RAVER1: variants seen among roughly 807,000 people sequenced by gnomAD.
RAVER1 encodes the protein ribonucleoprotein PTB-binding 1.
In RAVER1, 36 loss-of-function variants were observed where a neutral mutation model predicts 68.4. The ratio of observed to expected loss-of-function variants is 0.53; its 90% CI spans 0.40 to 0.70. RAVER1 has a LOEUF of 0.70. Ranked by LOEUF, RAVER1 falls within the 30% of genes least tolerant of loss-of-function variation. The pLI, the probability that RAVER1 is intolerant of heterozygous loss-of-function variation, is 0.00. For synonymous variants in RAVER1, 469 were observed against 472.7 expected, an observed-to-expected ratio of 0.99 and a Z score of 0.10; for missense variants, 933 against 1,019.8, an observed-to-expected ratio of 0.91 and a Z score of 1.16.
chr19:10,317,679 C>A lies in RAVER1; in HGVS notation c.2073+11G>T, dbSNP rs1328217337. The A allele has an allele frequency of 3.2e-6, 5 of 1,566,380 alleles. No homozygotes were observed. The highest frequency in any genetic ancestry group is 1.2e-5 in the South Asian group (1 of 86,380). ...TTCCCAGCCCTGCATGTCCCCACCC[C>A]CTGCCCGTACCTTCAGCAGGTGGCT... On this transcript the variant is annotated intron_variant, in intron 12 of 12. Transcript: ENST00000617231. This position sits in a 1 kb window ranked among gnomAD's most constrained non-coding sequence, Gnocchi z 4.3.
Position 10,329,172 on chromosome 19 carries a change from C to T in RAVER1, c.287-61G>A, listed in dbSNP as rs1314385477. Reference sequence around the variant, plus strand: ...GCCCTGAGGGCCTGCCCCTCCACCCCGCCACCCTGCAAACCAGGTGGGACC... The same window carrying T: ...GCCCTGAGGGCCTGCCCCTCCACCCTGCCACCCTGCAAACCAGGTGGGACC... On this transcript the variant is annotated intron_variant, in intron 2 of 12. Transcript: ENST00000617231. This position sits in a 1 kb window ranked among gnomAD's most constrained non-coding sequence, Gnocchi z 4.6. 34 of 1,056,744 alleles carry T rather than the reference C, an allele frequency of 3.2e-5. No individual in the cohort carries two copies. The highest frequency in any genetic ancestry group is 1.4e-4 in the South Asian group (8 of 59,090). The allele number at this position is 1,056,744 out of a possible 1,614,324, so 65.5% of individuals were successfully genotyped here. A position where few individuals can be genotyped will look rare whatever the true frequency, so the allele number is the denominator to read the frequency against.
chr19:10,323,398 C>G lies in RAVER1; in HGVS notation c.925G>C (p.Ala309Pro). Residue 309 changes from alanine to proline, a missense_variant, in exon 4 of 13, where the codon GCT becomes CCT. Ala to Pro is a conservative substitution (Grantham distance 27, BLOSUM62 -1). Transcript: ENST00000617231. This position sits in a 1 kb window ranked among gnomAD's most constrained non-coding sequence, Gnocchi z 6.2. ...PGPPGRSMLAALIAAQATALN... is the reference protein window; with the variant it reads ...PGPPGRSMLAPLIAAQATALN... The stretch of plus-strand genomic sequence containing the variant: ...ACCGTGGCCTGGGCAGCGATGAGAG[C>G]GGCCAGCATACTGCGGCCGGGGGGC... 1 of 1,604,926 alleles carries G rather than the reference C, an allele frequency of 6.2e-7. No homozygotes were observed. Among genetic ancestry groups the G allele is most frequent in the Non-Finnish European group, 8.5e-7 (1 of 1,176,210 alleles).
In RAVER1 at chr19:10,319,174, G is replaced by A; in HGVS notation, c.1837C>T (p.Arg613Ter). Residue 613 changes from arginine to a stop codon, truncating the protein, a stop_gained, in exon 10 of 13, where the codon CGA becomes TGA. Coordinates refer to ENST00000617231, the MANE Select transcript of RAVER1 (RefSeq NM_133452.3). LOFTEE classifies it high-confidence loss of function. ...EPALGPHGPS[R>*]HKMSPPPSGF... Reference sequence around the variant, plus strand: ...TACCAGGTGGCTCTTACCTTGTGTCGGCTGGGTCCGTGAGGCCCAAGGGCT... The same window carrying A: ...TACCAGGTGGCTCTTACCTTGTGTCAGCTGGGTCCGTGAGGCCCAAGGGCT... The A allele has an allele frequency of 1.2e-6, 2 of 1,613,816 alleles. No individual in the cohort carries two copies. The highest frequency in any genetic ancestry group is 1.3e-5 in the African/African-American group (1 of 75,056).
chr19:10,319,273 G>C (rs1441844831), intron 9 of RAVER1, 33 bp from the exon 10 acceptor site: 1 of 1,605,870 alleles, frequency 6.2e-7, no homozygotes, highest in Non-Finnish European at 8.5e-7. Context: ...CATTGGGTTG[G>C]AGTCTGTCCC....
At chr19:10,320,048 C>T (rs780487720) in intron 9 of RAVER1, among the ~76,000 whole-genome samples, 1 of 151,968 alleles carries the variant, frequency 6.6e-6, no homozygotes, top group African/African-American at 2.4e-5. Flanking sequence ...AAGGGCAAGC[C>T]CTGTCTCTGG....
In RAVER1 at chr19:10,321,107, G is replaced by A; in HGVS notation, c.1414C>T (p.Arg472Ter). The change falls in exon 8 of 13, where the codon CGA (arginine) becomes TGA (stop). Residue 472 changes from arginine (R) to a stop codon, truncating the protein, a stop_gained. Coordinates refer to ENST00000617231, the MANE Select transcript of RAVER1 (RefSeq NM_133452.3). LOFTEE classifies it high-confidence loss of function. Reference protein sequence around the residue: ...LTPPPAPVGLRGSGLRGLQKD... With the variant: ...LTPPPAPVGL ...TGGAGGCCTCTGAGGCCAGAGCCTCGGAGCCCCACAGGGGCGGGGGGAGGA... is the reference window on the plus strand; with the variant it reads ...TGGAGGCCTCTGAGGCCAGAGCCTCAGAGCCCCACAGGGGCGGGGGGAGGA... 5 of 1,321,902 alleles carry A rather than the reference G, an allele frequency of 3.8e-6. No individual in the cohort carries two copies. Among genetic ancestry groups the A allele is most frequent in the Non-Finnish European group, 4.8e-6 (5 of 1,036,898 alleles). The allele number at this position is 1,321,902 out of a possible 1,614,324, so 81.9% of individuals were successfully genotyped here.
Position 10,328,625 on chromosome 19 carries a change from C to A in RAVER1, c.756+17G>T. On this transcript the variant is annotated intron_variant, in intron 3 of 12. Transcript: ENST00000617231. This position sits in a 1 kb window ranked among gnomAD's most constrained non-coding sequence, Gnocchi z 4.4. ...CGGGCCTGGCACCTGCTCCCCAATGCTCTCCACAGGGCTCACCTGGCAGAA... is the reference window on the plus strand; with the variant it reads ...CGGGCCTGGCACCTGCTCCCCAATGATCTCCACAGGGCTCACCTGGCAGAA... 1 of 1,523,706 alleles carries A rather than the reference C, an allele frequency of 6.6e-7. No homozygotes were observed. The highest frequency in any genetic ancestry group is 1.2e-5 in the South Asian group (1 of 82,670). 94.4% of individuals were successfully genotyped at this position (1,523,706 alleles called of 1,614,324 possible).
intron 6 of RAVER1, 42 bp from the exon 7 acceptor site, chr19:10,321,660 G>GCCCAGGGGCAGGGTGT (rs2040439205): frequency 7.3e-7 from 1 of 1,361,172 alleles, no homozygotes; most frequent in African/African-American, 1.5e-5. Context: ...GGGCAGGGTG[G>GCCCAGGGGCAGGGTGT]CCCAGGGAAG....
Position 10,329,897 on chromosome 19 carries a change from C to CACTG in RAVER1, c.286+559_286+562dup, listed in dbSNP as rs2040501137. Among the ~76,000 whole-genome samples, 1 of 151,988 alleles carries CACTG rather than the reference C, an allele frequency of 6.6e-6. No individual in the cohort carries two copies. Among genetic ancestry groups the CACTG allele is most frequent in the African/African-American group, 2.4e-5 (1 of 41,388 alleles). On this transcript the variant is annotated intron_variant, in intron 2 of 12. Transcript: ENST00000617231. This position sits in a 1 kb window ranked among gnomAD's most constrained non-coding sequence, Gnocchi z 4.6. ...CAGCTGCTGTTTCTTGAGCATGGAACACTGAGCCCCACCTCCTCACCTGGT... is the reference window on the plus strand; with the variant it reads ...CAGCTGCTGTTTCTTGAGCATGGAACACTGACTGAGCCCCACCTCCTCACCTGGT...
At chr19:10,325,256 G>A (rs951610784) in intron 3 of RAVER1, among the ~76,000 whole-genome samples, 27 of 151,784 alleles carry the variant, frequency 1.8e-4, no homozygotes, top group Admixed American at 2.6e-4. Flanking sequence ...ACGGAGTCTC[G>A]CTCTGCCACC....
At position 10,328,918 on chromosome 19, in the gene RAVER1, G is replaced by A; in HGVS notation, c.480C>T (p.Arg160=). 6.2e-7 allele frequency: 1 copy of A among 1,611,878 alleles called. No individual in the cohort carries two copies. Among genetic ancestry groups the A allele is most frequent in the African/African-American group, 1.3e-5 (1 of 75,040 alleles). The part of the protein sequence containing the change: ...ELVRPFGSLE[R]CFLVYSERTG... Reference sequence around the variant, plus strand: ...TGCGCTCACTGTAGACCAGGAAGCAGCGCTCCAGGCTGCCGAAGGGCCGCA... The same window carrying A: ...TGCGCTCACTGTAGACCAGGAAGCAACGCTCCAGGCTGCCGAAGGGCCGCA... Residue 160 remains arginine, a synonymous_variant, in exon 3 of 13, where the codon CGC becomes CGT. Coordinates refer to ENST00000617231, the MANE Select transcript of RAVER1 (RefSeq NM_133452.3). This position sits in a 1 kb window ranked among gnomAD's most constrained non-coding sequence, Gnocchi z 4.4.
At chr19:10,319,293 C>T (rs1469365563) in intron 9 of RAVER1, 53 bp from the exon 10 acceptor site, 1 of 1,548,320 alleles carries the variant, frequency 6.5e-7, no homozygotes, top group East Asian at 2.3e-5. Flanking sequence ...CAGCCTCACC[C>T]CTGGCTGAAC....
chr19:10,328,596 G>T lies in RAVER1; in HGVS notation c.756+46C>A. On this transcript the variant is annotated intron_variant, in intron 3 of 12. Coordinates refer to ENST00000617231, the MANE Select transcript of RAVER1 (RefSeq NM_133452.3). The surrounding 1 kb of genome is among the most constrained non-coding windows in gnomAD (Gnocchi z 4.4). ...GATGACTCCAAAGACTCTCTCAGGT[G>T]CTCCGGGCCTGGCACCTGCTCCCCA... 1 of 1,307,984 alleles carries T rather than the reference G, an allele frequency of 7.6e-7. No homozygotes were observed. Among genetic ancestry groups the T allele is most frequent in the Non-Finnish European group, 1.1e-6 (1 of 943,896 alleles). 81.0% of individuals were successfully genotyped at this position (1,307,984 alleles called of 1,614,324 possible).
Position 10,333,213 on chromosome 19 carries a change from T to G in RAVER1, c.219+76A>C. On this transcript the variant is annotated intron_variant, in intron 1 of 12. Coordinates refer to ENST00000617231, the MANE Select transcript of RAVER1 (RefSeq NM_133452.3). This position sits in a 1 kb window ranked among gnomAD's most constrained non-coding sequence, Gnocchi z 4.2. ...CAACGACCCCCGCGCACCTCAGCGT[T>G]GGTGTCGCCCGGTTCCCCCCGCGCA... 7.1e-7 allele frequency: 1 copy of G among 1,401,324 alleles called. No individual in the cohort carries two copies. The highest frequency in any genetic ancestry group is 9.7e-7 in the Non-Finnish European group (1 of 1,032,248). The allele number at this position is 1,401,324 out of a possible 1,614,324, so 86.8% of individuals were successfully genotyped here.
At chr19:10,326,211 C>T (rs777966517) in intron 3 of RAVER1, among the ~76,000 whole-genome samples, 4 of 152,066 alleles carry the variant, frequency 2.6e-5, no homozygotes, top group Admixed American at 1.3e-4. Context: ...GCCAAGATCG[C>T]GCCCCTGCAC....
At position 10,320,927 on chromosome 19, in the gene RAVER1, T is replaced by TG. The variant is rs745672667; in HGVS notation, c.1497dup (p.Lys500GlnfsTer25). 2.7e-6 allele frequency: 4 copies of TG among 1,495,938 alleles called. No individual in the cohort carries two copies. Among genetic ancestry groups the TG allele is most frequent in the African/African-American group, 1.4e-5 (1 of 69,338 alleles). The allele number at this position is 1,495,938 out of a possible 1,614,324, so 92.7% of individuals were successfully genotyped here. The stretch of plus-strand genomic sequence containing the variant: ...GGATTCAGGGGAATCCGGTAGTCCT[T>TG]GGGGGGCTCCCCCAGCAGTGAGACC... On this transcript the variant is annotated frameshift_variant, in exon 9 of 13. Transcript: ENST00000617231. LOFTEE classifies it high-confidence loss of function.
intron 3 of RAVER1, among the ~76,000 whole-genome samples, chr19:10,325,247 C>T (rs1013920989): frequency 6.6e-6 from 1 of 151,350 alleles, no homozygotes; most frequent in African/African-American, 2.4e-5. Flanking sequence ...TTTTTTGAGA[C>T]GGAGTCTCGC....
Position 10,320,705 on chromosome 19 carries a change from G to A in RAVER1, c.1720C>T (p.Leu574=), listed in dbSNP as rs2040429944. 1.9e-6 allele frequency: 3 copies of A among 1,545,504 alleles called. No individual in the cohort carries two copies. In the South Asian group the frequency reaches 3.7e-5, roughly 19 times the overall value. Residue 574 remains leucine (L), a synonymous_variant, in exon 9 of 13, where the codon CTG becomes TTG. Coordinates refer to ENST00000617231, the MANE Select transcript of RAVER1 (RefSeq NM_133452.3). ...RLLSPLSSAR[L]PPEPGLSDSY... ...TCAGACAGTCCTGGTTCGGGGGGCA[G>A]GCGGGCGCTGCTGAGGGGGCTGAGC...
Position 10,322,044 on chromosome 19 carries a change from C to CTG in RAVER1, c.1174-428_1174-427dup, listed in dbSNP as rs146489892. 9 of 161,342 alleles carry CTG rather than the reference C, an allele frequency of 5.6e-5. No individual in the cohort carries two copies. The highest frequency in any genetic ancestry group is 6.7e-5 in the Non-Finnish European group (5 of 74,854). The allele number at this position is 161,342 out of a possible 1,614,324, so 10.0% of individuals were successfully genotyped here. ...GGTGTATGTCTATGTGTGTGTGTGTCTGTGTGTGTGTGTGCGTGTATATCT... is the reference window on the plus strand; with the variant it reads ...GGTGTATGTCTATGTGTGTGTGTGTCTGTGTGTGTGTGTGTGCGTGTATATCT... On this transcript the variant is annotated intron_variant, in intron 6 of 12. Coordinates refer to ENST00000617231, the MANE Select transcript of RAVER1 (RefSeq NM_133452.3). The surrounding 1 kb of genome is among the most constrained non-coding windows in gnomAD (Gnocchi z 4.3).
Sources: allele counts gnomAD v4.1 joint callset (sites outside exome capture counted in the v4.1 genomes callset), GRCh38; gene constraint gnomAD v4.1.1; non-coding constraint Gnocchi (gnomAD v3.1); transcripts MANE v1.5; gene names NCBI Gene and HGNC (gene_info 2026-07-23, HGNC 2026-07-21).